GALNT18: variants seen among roughly 807,000 people sequenced by gnomAD.
The protein encoded by GALNT18 is GalNAc-transferase 18.
A neutral mutation model predicts 69.5 loss-of-function variants in GALNT18; 44 were observed. The observed-to-expected ratio is 0.63, with a 90% CI of 0.50 to 0.81. The LOEUF (loss-of-function observed/expected upper bound fraction) is 0.81, where lower values mean the gene tolerates loss of function less well. GALNT18 is among the 40% of genes least tolerant of loss of function. The pLI, the probability that GALNT18 is intolerant of heterozygous loss-of-function variation, is 0.00. For missense variants in GALNT18, 715 were observed against 810.0 expected, an observed-to-expected ratio of 0.88 and a Z score of 1.42; for synonymous variants, 364 against 318.2, an observed-to-expected ratio of 1.14 and a Z score of -1.53.
At chr11:11,508,487 T>C (rs1020685142) in intron 1 of GALNT18, among the ~76,000 whole-genome samples, 13 of 152,246 alleles carry the variant, frequency 8.5e-5, no homozygotes, top group Non-Finnish European at 1.6e-4. Flanking sequence ...TCTGCCATAT[T>C]TCTCCATCGT....
intron 1 of GALNT18, among the ~76,000 whole-genome samples, chr11:11,525,295 G>A (rs79902239): frequency 0.037 from 5,581 of 151,940 alleles, 349 homozygotes; most frequent in African/African-American, 0.13. Flanking sequence ...TACCTTCTAG[G>A]GTAATAGAAA....
chr11:11,392,822 T>C (rs753375343), intron 3 of GALNT18, among the ~76,000 whole-genome samples: 3 of 152,212 alleles, frequency 2.0e-5, no homozygotes, highest in Non-Finnish European at 2.9e-5. Flanking sequence ...TTATTATGGA[T>C]ACTATAGCCA....
intron 6 of GALNT18, among the ~76,000 whole-genome samples, chr11:11,363,737 A>C (rs918540208): frequency 6.6e-6 from 1 of 152,226 alleles, no homozygotes; most frequent in African/African-American, 2.4e-5. Context: ...GGACCAACCC[A>C]GTAGCAATGA....
At chr11:11,594,363 T>C (rs1413453986) in intron 1 of GALNT18, among the ~76,000 whole-genome samples, 1 of 152,232 alleles carries the variant, frequency 6.6e-6, no homozygotes, top group Non-Finnish European at 1.5e-5. Flanking sequence ...TACAATTCAA[T>C]GGTTTTTAGT....
At chr11:11,294,296 C>T (rs1044213164) in intron 9 of GALNT18, among the ~76,000 whole-genome samples, 15 of 152,296 alleles carry the variant, frequency 9.8e-5, no homozygotes, top group East Asian at 1.9e-4. Flanking sequence ...ACGTTAGAGA[C>T]GCAGCACCAG....
At chr11:11,425,749 C>G (rs959755043) in intron 3 of GALNT18, among the ~76,000 whole-genome samples, 10 of 152,136 alleles carry the variant, frequency 6.6e-5, no homozygotes, top group Non-Finnish European at 4.4e-5. Flanking sequence ...TACTGGAATA[C>G]CTGTGTCACA....
chr11:11,340,787 C>G lies in GALNT18; in HGVS notation c.1278+32G>C. 6.4e-7 allele frequency: 1 copy of G among 1,571,434 alleles called. No individual in the cohort carries two copies. The highest frequency in any genetic ancestry group is 8.7e-7 in the Non-Finnish European group (1 of 1,155,710). ...TGTTTTGTTTGTTTTCCACCAATCC[C>G]CGAGAAACTCATCCCTACCGGAGAT... On this transcript the variant is annotated intron_variant, in intron 7 of 10. Coordinates refer to ENST00000227756, the MANE Select transcript of GALNT18 (RefSeq NM_198516.3). This position sits in a 1 kb window ranked among gnomAD's most constrained non-coding sequence, Gnocchi z 4.2.
At chr11:11,438,134 G>A (rs1855452669) in intron 2 of GALNT18, among the ~76,000 whole-genome samples, 1 of 152,220 alleles carries the variant, frequency 6.6e-6, no homozygotes, top group South Asian at 2.1e-4. Context: ...TCCAGCCTCT[G>A]TCTCCTACCT....
At chr11:11,571,876 G>A (rs766039506) in intron 1 of GALNT18, among the ~76,000 whole-genome samples, 13 of 152,210 alleles carry the variant, frequency 8.5e-5, no homozygotes, top group African/African-American at 1.4e-4. Context: ...AGACTGTGAA[G>A]GTGTTTATTC....
At position 11,469,848 on chromosome 11, in the gene GALNT18, G is replaced by A. The variant is rs1014168540; in HGVS notation, c.236-20912C>T. ...CCTTTTCCAAGGACCCCCTCAGCCT[G>A]TCTTCCACTCAGCTCCATTGGAGAA... is the stretch of plus-strand genomic sequence containing the variant. On this transcript the variant is annotated intron_variant, in intron 1 of 10. Coordinates refer to ENST00000227756, the MANE Select transcript of GALNT18 (RefSeq NM_198516.3). The surrounding 1 kb of genome is among the most constrained non-coding windows in gnomAD (Gnocchi z 4.2). 1.3e-5 allele frequency among the ~76,000 whole-genome samples: 2 copies of A among 152,148 alleles called. No individual in the cohort carries two copies. The highest frequency in any genetic ancestry group is 4.8e-5 in the African/African-American group (2 of 41,422).
chr11:11,611,478 C>T (rs961276580), intron 1 of GALNT18, among the ~76,000 whole-genome samples: 9 of 152,114 alleles, frequency 5.9e-5, no homozygotes, highest in Non-Finnish European at 8.8e-5. Flanking sequence ...AGACCGGATG[C>T]GGCACCATCA....
At chr11:11,424,758 C>T (rs1394402079) in intron 3 of GALNT18, among the ~76,000 whole-genome samples, 1 of 152,074 alleles carries the variant, frequency 6.6e-6, no homozygotes, top group Admixed American at 6.5e-5. Context: ...TGGGGCGGTG[C>T]TAGGGGCAGA....
intron 8 of GALNT18, among the ~76,000 whole-genome samples, chr11:11,329,206 G>C (rs1849977589): frequency 6.6e-6 from 1 of 152,146 alleles, no homozygotes; most frequent in Admixed American, 6.5e-5. Context: ...CATAAGGCCT[G>C]GCAAATAACA....
At chr11:11,442,435 GA>G (rs2133810159) in intron 2 of GALNT18, among the ~76,000 whole-genome samples, 1 of 152,198 alleles carries the variant, frequency 6.6e-6, no homozygotes, top group South Asian at 2.1e-4. Context: ...ACCTCTTTGG[GA>G]GGCCATTATT....
rs766415911 is a variant in GALNT18 at position 11,413,445 on chromosome 11, G to T, written c.595+19176C>A. 1.3e-5 allele frequency among the ~76,000 whole-genome samples: 2 copies of T among 152,144 alleles called. No individual in the cohort carries two copies. Among genetic ancestry groups the T allele is most frequent in the Non-Finnish European group, 2.9e-5 (2 of 68,024 alleles). ...TTAATCAGGGATTTGATCATCCTAC[G>T]GACGATTCCTTATTCACGTTCATTC... On this transcript the variant is annotated intron_variant, in intron 3 of 10. Transcript: ENST00000227756. This position sits in a 1 kb window ranked among gnomAD's most constrained non-coding sequence, Gnocchi z 4.7.
chr11:11,367,760 C>T (rs1009394940), intron 6 of GALNT18, among the ~76,000 whole-genome samples: 4 of 152,348 alleles, frequency 2.6e-5, no homozygotes, highest in African/African-American at 9.6e-5. Flanking sequence ...CATGTCCGTT[C>T]CATACAACTG....
chr11:11,353,058 C>A (rs368248470), intron 6 of GALNT18: 2 of 1,614,166 alleles, frequency 1.2e-6, no homozygotes, highest in Non-Finnish European at 8.5e-7. Context: ...CCAGTATTCT[C>A]GAGGTCTGTG....
chr11:11,529,745 T>C (rs1284339970), intron 1 of GALNT18, among the ~76,000 whole-genome samples: 2 of 152,170 alleles, frequency 1.3e-5, no homozygotes, highest in African/African-American at 2.4e-5. Context: ...TATGAGTGTG[T>C]GCCTACGTAT....
chr11:11,588,541 C>T (rs966022471), intron 1 of GALNT18, among the ~76,000 whole-genome samples: 3 of 152,190 alleles, frequency 2.0e-5, no homozygotes, highest in African/African-American at 7.2e-5. Flanking sequence ...CCACAGTATC[C>T]TTTTCTTCCT....
Sources: gnomAD v4.1 joint callset for allele counts (sites outside exome capture counted in the v4.1 genomes callset) on GRCh38, gnomAD v4.1.1 for gene constraint, Gnocchi (gnomAD v3.1) non-coding constraint, MANE v1.5 for transcripts, NCBI Gene and HGNC (gene_info 2026-07-23, HGNC 2026-07-21) for gene names.